ZFAND4: variants seen among roughly 807,000 people sequenced by gnomAD.
ZFAND4 encodes AN1-type zinc finger protein 4.
A neutral mutation model predicts 64.4 loss-of-function variants in ZFAND4; 43 were observed. The ratio of observed to expected loss-of-function variants is 0.67; its 90% CI spans 0.52 to 0.86. The LOEUF (loss-of-function observed/expected upper bound fraction) is 0.86, where lower values mean the gene tolerates loss of function less well. ZFAND4 is among the 40% of genes least tolerant of loss of function. The pLI is 0.00. For synonymous variants in ZFAND4, 296 were observed against 305.7 expected (o/e 0.97, Z 0.33); for missense variants, 929 against 859.8 (o/e 1.08, Z -1.01).
rs58965939 is a variant in ZFAND4, at chr10:45,637,004, G to GA, written c.717+2811dup. Among the ~76,000 whole-genome samples, 1,012 of 120,278 alleles carry GA rather than the reference G, an allele frequency of 8.4e-3. 4 individuals are homozygous for GA. Among genetic ancestry groups the GA allele is most frequent in the Middle Eastern group, 0.017 (4 of 234 alleles). 78.9% of individuals were successfully genotyped at this position (120,278 alleles called of 152,430 possible). ...GAGCTAAGTCAATTGTTCCCCATCA[G>GA]AAAAAAAAAAAAAAAAGATCTTTAC... is the stretch of plus-strand genomic sequence containing the variant. On this transcript the variant is annotated intron_variant, in intron 6 of 9. Coordinates refer to ENST00000344646, the MANE Select transcript of ZFAND4 (RefSeq NM_174890.4).
Position 45,638,917 on chromosome 10 carries a change from A to G in ZFAND4, c.717+899T>C, listed in dbSNP as rs1287189223. ...ACGTATTTACGGTAATAGATGTAAG[A>G]ACAGTCGTTATTTCTGAGAGTAGGA... On this transcript the variant is annotated intron_variant, in intron 6 of 9. Coordinates refer to ENST00000344646, the MANE Select transcript of ZFAND4 (RefSeq NM_174890.4). Among the ~76,000 whole-genome samples, 13 of 152,372 alleles carry G rather than the reference A, an allele frequency of 8.5e-5. No individual in the cohort carries two copies. In the East Asian group the frequency reaches 2.5e-3, roughly 29 times the overall value.
chr10:45,617,591 G>GGGAA (rs771265046), intron 9 of ZFAND4, among the ~76,000 whole-genome samples: 8 of 71,082 alleles, frequency 1.1e-4, no homozygotes, highest in Admixed American at 9.2e-4. Flanking sequence ...TTACAGTACT[G>GGGAA]AAAAAAAAAA....
intron 2 of ZFAND4, among the ~76,000 whole-genome samples, chr10:45,661,272 C>T (rs17768692): frequency 0.025 from 3,871 of 152,290 alleles, 68 homozygotes; most frequent in East Asian, 0.053. Context: ...AGCCAGTAAT[C>T]TGAAGCCAGG....
At chr10:45,616,666 G>C in intron 9 of ZFAND4, 95 bp from the exon 10 acceptor site, 1 of 1,320,564 alleles carries the variant, frequency 7.6e-7, no homozygotes, top group Non-Finnish European at 1.0e-6. Flanking sequence ...AGTCCAACAG[G>C]GGCCCTTTGG....
intron 6 of ZFAND4, among the ~76,000 whole-genome samples, chr10:45,636,842 T>C (rs934008174): frequency 3.9e-5 from 6 of 152,144 alleles, no homozygotes; most frequent in Non-Finnish European, 8.8e-5. Context: ...CCATCGATTT[T>C]TGAGAGTGGG....
At chr10:45,634,552 T>C (rs1162333238) in intron 6 of ZFAND4, among the ~76,000 whole-genome samples, 1 of 151,244 alleles carries the variant, frequency 6.6e-6, no homozygotes, top group Non-Finnish European at 1.5e-5. Flanking sequence ...GAATTAAACA[T>C]TTCTCAAAAT....
chr10:45,666,351 T>G lies in ZFAND4; in HGVS notation c.-117-2509A>C, dbSNP rs1033246194. Among the ~76,000 whole-genome samples, 8 of 152,338 alleles carry G rather than the reference T, an allele frequency of 5.3e-5. No homozygotes were observed. The South Asian group carries it at 8.3e-4, about 16-fold the overall frequency. ...GTGATTATTGGCCATTTGCATACAT[T>G]CTTTGGAGAAATGCCTATTCATATA... On this transcript the variant is annotated intron_variant, in intron 1 of 9. Transcript: ENST00000344646.
chr10:45,629,793 G>A (rs1414540352), intron 6 of ZFAND4, among the ~76,000 whole-genome samples: 2 of 152,098 alleles, frequency 1.3e-5, no homozygotes, highest in African/African-American at 4.8e-5. Flanking sequence ...AGCTCAGGAG[G>A]CAGAGGTTGC....
chr10:45,617,605 A>AAAG (rs2045090560), intron 9 of ZFAND4, among the ~76,000 whole-genome samples: 1 of 150,202 alleles, frequency 6.7e-6, no homozygotes. Flanking sequence ...AAAAAAAAAA[A>AAAG]AAAAAAAAGT....
Position 45,618,210 on chromosome 10 carries a change from T to C in ZFAND4, c.1978A>G (p.Lys660Glu). Residue 660 changes from lysine (K) to glutamate (E), a missense_variant, in exon 9 of 10, where the codon AAG becomes GAG. By Grantham distance (56) the Lys-to-Glu change is moderately conservative (BLOSUM62 1). Coordinates refer to ENST00000344646, the MANE Select transcript of ZFAND4 (RefSeq NM_174890.4). Reference protein sequence around the residue: ...LPPVKAPLQTKKKTTNHCFLC... With the variant: ...LPPVKAPLQTEKKTTNHCFLC... ...AAACAATGATTTGTTGTTTTCTTCT[T>C]TGTCTGAAGAGGGGCTTTCACAGGT... 1 of 1,613,764 alleles carries C rather than the reference T, an allele frequency of 6.2e-7. No homozygotes were observed. The highest frequency in any genetic ancestry group is 1.1e-5 in the South Asian group (1 of 91,044).
At chr10:45,640,259 G>A in intron 5 of ZFAND4, 2 of 1,212,658 alleles carry the variant, frequency 1.6e-6, no homozygotes, top group South Asian at 1.6e-5. Context: ...TCCCAAAGAG[G>A]CAAAATCCAT....
chr10:45,671,703 G>A (rs1199700651), intron 1 of ZFAND4, among the ~76,000 whole-genome samples: 1 of 151,964 alleles, frequency 6.6e-6, no homozygotes, highest in Non-Finnish European at 1.5e-5. Flanking sequence ...ATGGGGGGAG[G>A]GATAGCATTA....
intron 7 of ZFAND4, among the ~76,000 whole-genome samples, chr10:45,624,916 G>A (rs1338016784): frequency 6.6e-6 from 1 of 152,140 alleles, no homozygotes; most frequent in Non-Finnish European, 1.5e-5. Context: ...AGGATTGCTT[G>A]AGCCTGGGAC....
intron 1 of ZFAND4, among the ~76,000 whole-genome samples, chr10:45,668,966 C>T (rs550378845): frequency 2.3e-4 from 35 of 152,068 alleles, no homozygotes; most frequent in Non-Finnish European, 4.0e-4. Flanking sequence ...AAAATTGACA[C>T]CCTAAAATCA....
chr10:45,663,578 C>G lies in ZFAND4; in HGVS notation c.148G>C (p.Val50Leu). The G allele has an allele frequency of 1.2e-6, 2 of 1,603,038 alleles. No individual in the cohort carries two copies. The highest frequency in any genetic ancestry group is 1.7e-6 in the Non-Finnish European group (2 of 1,177,096). Residue 50 changes from valine to leucine, a missense_variant, in exon 2 of 10, where the codon GTT becomes CTT. Physicochemically the swap from Val to Leu is conservative, Grantham distance 32 (BLOSUM62 1). Coordinates refer to ENST00000344646, the MANE Select transcript of ZFAND4 (RefSeq NM_174890.4). The stretch of plus-strand genomic sequence containing the variant: ...CGAATTTTTGCTTTCACAGAAATAA[C>G]AGTTTCAAAAGGTGAAACTCTCAGC... Reference protein sequence around the residue: ...FELRVSPFETVISVKAKIRRL... With the variant: ...FELRVSPFETLISVKAKIRRL...
At position 45,651,892 on chromosome 10, in the gene ZFAND4, C is replaced by T. The variant is rs141696183; in HGVS notation, c.328+74G>A. ...TAGCAGAAAGGAAACCTAAATAAAA[C>T]CTGAGGCTATAAAAATACTAACTGA... On this transcript the variant is annotated intron_variant, in intron 4 of 9. Coordinates refer to ENST00000344646, the MANE Select transcript of ZFAND4 (RefSeq NM_174890.4). The T allele has an allele frequency of 2.2e-6, 3 of 1,338,766 alleles. No individual in the cohort carries two copies. The East Asian group carries it at 7.1e-5, about 32-fold the overall frequency. The allele number at this position is 1,338,766 out of a possible 1,614,324, so 82.9% of individuals were successfully genotyped here.
intron 6 of ZFAND4, among the ~76,000 whole-genome samples, chr10:45,636,317 G>T (rs1187298219): frequency 6.6e-6 from 1 of 151,946 alleles, no homozygotes; most frequent in Admixed American, 6.6e-5. Flanking sequence ...GAGCATTTTT[G>T]TATTATTTGG....
chr10:45,649,889 GTCACATGAAAGCC>G (rs909639872), intron 4 of ZFAND4: 1 of 152,150 alleles, frequency 6.6e-6, no homozygotes, highest in African/African-American at 2.4e-5. Context: ...CATTACCACA[GTCACATGAAAGCC>G]TTTCCTAAAC....
intron 5 of ZFAND4, among the ~76,000 whole-genome samples, chr10:45,641,881 A>G (rs563275136): frequency 6.6e-6 from 1 of 152,326 alleles, no homozygotes; most frequent in African/African-American, 2.4e-5. Context: ...TATAGACAGC[A>G]GACCTAAGAT....
Sources: allele counts gnomAD v4.1 joint callset (sites outside exome capture counted in the v4.1 genomes callset), GRCh38; gene constraint gnomAD v4.1.1; transcripts MANE v1.5; gene names NCBI Gene and HGNC (gene_info 2026-07-23, HGNC 2026-07-21).